Variants in LYST observed in about 807,000 individuals in gnomAD.
The protein encoded by LYST is lysosomal-trafficking regulator.
A neutral mutation model predicts 413.6 loss-of-function variants in LYST; 192 were observed. The observed-to-expected ratio is 0.46, with a 90% CI of 0.41 to 0.52. LYST has a LOEUF of 0.52. Among genes scored for constraint, LYST ranks in the 20% least tolerant of loss-of-function variants. LYST has a pLI of 0.00. For synonymous variants in LYST, 1,525 were observed against 1,567.3 expected, an observed-to-expected ratio of 0.97 and a Z score of 0.64; for missense variants, 3,815 against 4,499.9, an observed-to-expected ratio of 0.85 and a Z score of 4.35.
intron 50 of LYST, among the ~76,000 whole-genome samples, chr1:235,676,774 G>A (rs1242350324): frequency 6.6e-6 from 1 of 152,054 alleles, no homozygotes; most frequent in Non-Finnish European, 1.5e-5. Context: ...GCAAAAAAGG[G>A]GAGAAAAGTC....
intron 29 of LYST, among the ~76,000 whole-genome samples, chr1:235,744,892 CA>C (rs11354334): frequency 0.58 from 67,115 of 114,822 alleles, 18,630 homozygotes; most frequent in African/African-American, 0.81. Flanking sequence ...GAACCCATCT[CA>C]AAAAAAAAAA....
intron 1 of LYST, among the ~76,000 whole-genome samples, chr1:235,838,332 C>G (rs760685971): frequency 2.6e-5 from 4 of 152,150 alleles, no homozygotes; most frequent in Non-Finnish European, 5.9e-5. Context: ...TAATCCAACT[C>G]TCCTTCATGT....
intron 1 of LYST, among the ~76,000 whole-genome samples, chr1:235,860,165 T>C (rs891222492): frequency 6.6e-6 from 1 of 152,232 alleles, no homozygotes; most frequent in East Asian, 1.9e-4. Flanking sequence ...AGAAATCTTC[T>C]ATCCTCTTTT....
chr1:235,745,065 G>T (rs972280574), intron 29 of LYST, among the ~76,000 whole-genome samples: 1 of 151,726 alleles, frequency 6.6e-6, no homozygotes, highest in African/African-American at 2.4e-5. Context: ...CTTATCTATA[G>T]TGTTTTTTAA....
chr1:235,663,191 G>T, intron 52 of LYST, 113 bp from the exon 53 acceptor site: 1 of 751,284 alleles, frequency 1.3e-6, no homozygotes, highest in Non-Finnish European at 2.3e-6. Flanking sequence ...GGCGCAGAGA[G>T]ACATAAACTA....
chr1:235,689,634 T>G (rs113344215), intron 47 of LYST, among the ~76,000 whole-genome samples: 1 of 152,234 alleles, frequency 6.6e-6, no homozygotes, highest in African/African-American at 2.4e-5. Flanking sequence ...TTTGCTAAGA[T>G]AGTAGATCTT....
Position 235,766,287 on chromosome 1 carries a change from TA to T in LYST, c.5923-11del, listed in dbSNP as rs752446158. 8.3e-6 allele frequency: 13 copies of T among 1,573,960 alleles called. No homozygotes were observed. Among genetic ancestry groups the T allele is most frequent in the South Asian group, 2.3e-5 (2 of 86,222 alleles). ...GCCCCTCTTTGTATTCCTGAAAAAA[TA>T]AAAAAAACTCTCTTTAGATTTAAAG... On this transcript the variant is annotated splice_polypyrimidine_tract_variant and intron_variant, in intron 20 of 52. Transcript: ENST00000389793.
intron 45 of LYST, among the ~76,000 whole-genome samples, chr1:235,698,306 A>G (rs937007757): frequency 2.6e-5 from 4 of 151,872 alleles, no homozygotes; most frequent in African/African-American, 7.3e-5. Context: ...CAAATAAATG[A>G]AAAAAAAGGC....
intron 1 of LYST, among the ~76,000 whole-genome samples, chr1:235,877,636 C>T (rs1321727638): frequency 6.6e-6 from 1 of 152,052 alleles, no homozygotes; most frequent in African/African-American, 2.4e-5. Context: ...GAACTCCCAA[C>T]CTCAGGTGAT....
intron 1 of LYST, among the ~76,000 whole-genome samples, chr1:235,845,114 A>G (rs1344422724): frequency 6.6e-6 from 1 of 152,164 alleles, no homozygotes; most frequent in African/African-American, 2.4e-5. Context: ...CTCTGAAGGA[A>G]GCGGATTGCT....
chr1:235,683,433 C>A (rs910196025), intron 48 of LYST, among the ~76,000 whole-genome samples: 3 of 152,222 alleles, frequency 2.0e-5, no homozygotes, highest in African/African-American at 7.2e-5. Context: ...ATTTTAAAAT[C>A]AGTTATCACA....
chr1:235,869,182 G>A (rs1018484721), upstream of LYST, among the ~76,000 whole-genome samples: 16 of 152,098 alleles, frequency 1.1e-4, no homozygotes, highest in African/African-American at 3.9e-4. Flanking sequence ...ATAGAAGAAA[G>A]CTCTACTTGG....
intron 1 of LYST, among the ~76,000 whole-genome samples, chr1:235,877,338 C>T (rs2103239453): frequency 6.6e-6 from 1 of 152,274 alleles, no homozygotes; most frequent in South Asian, 2.1e-4. Context: ...GTGCTGACAT[C>T]AGAGGAGGAA....
At chr1:235,699,990 G>A (rs188161811) in intron 45 of LYST, among the ~76,000 whole-genome samples, 2 of 152,256 alleles carry the variant, frequency 1.3e-5, no homozygotes, top group African/African-American at 4.8e-5. Context: ...AATGGGGAAA[G>A]GATTCCCTAT....
intron 48 of LYST, among the ~76,000 whole-genome samples, chr1:235,683,301 A>G (rs748739106): frequency 2.6e-5 from 4 of 152,250 alleles, no homozygotes; most frequent in Non-Finnish European, 5.9e-5. Flanking sequence ...ACTACCTTGT[A>G]TAAGCTGCAC....
At chr1:235,739,159 AC>A (rs1665107460) in intron 31 of LYST, among the ~76,000 whole-genome samples, 1 of 152,214 alleles carries the variant, frequency 6.6e-6, no homozygotes, top group African/African-American at 2.4e-5. Context: ...GTAAAATCCT[AC>A]AGTATATTCT....
At chr1:235,836,327 G>A (rs967640254) in intron 1 of LYST, among the ~76,000 whole-genome samples, 11 of 152,164 alleles carry the variant, frequency 7.2e-5, no homozygotes, top group African/African-American at 2.7e-4. Flanking sequence ...TTATAGTGAG[G>A]TGGAGACAGA....
At chr1:235,708,615 T>C (rs965256394) in intron 44 of LYST, among the ~76,000 whole-genome samples, 4 of 152,212 alleles carry the variant, frequency 2.6e-5, no homozygotes, top group Admixed American at 1.3e-4. Flanking sequence ...ACGTTGCCAA[T>C]CTCAATAAAA....
chr1:235,677,349 C>T (rs1352984500), intron 49 of LYST, 131 bp downstream of exon 49: 4 of 1,144,412 alleles, frequency 3.5e-6, no homozygotes, highest in Non-Finnish European at 5.2e-6. Context: ...GGTAATCTTA[C>T]TACCTTTAAG....
Sources: allele counts gnomAD v4.1 joint callset (sites outside exome capture counted in the v4.1 genomes callset), GRCh38; gene constraint gnomAD v4.1.1; transcripts MANE v1.5; gene names NCBI Gene and HGNC (gene_info 2026-07-23, HGNC 2026-07-21).